Variants in PCDH9 observed in about 807,000 individuals in gnomAD.
PCDH9 encodes protocadherin-9.
Under a neutral mutation model 70.6 loss-of-function variants are expected in PCDH9, and 24 were observed. The observed-to-expected ratio is 0.34, with a 90% CI of 0.25 to 0.48. The LOEUF is 0.48. PCDH9 is among the 20% of genes least tolerant of loss of function. The probability of loss-of-function intolerance (pLI) is 0.99; values close to 1 mark genes in which losing one functional copy is unlikely to be tolerated. For synonymous variants in PCDH9, 562 were observed against 558.5 expected, an observed-to-expected ratio of 1.01 and a Z score of -0.09; for missense variants, 1,281 against 1,503.6, an observed-to-expected ratio of 0.85 and a Z score of 2.45.
intron 2 of PCDH9, among the ~76,000 whole-genome samples, chr13:66,961,749 A>T (rs1369790968): frequency 2.0e-5 from 3 of 152,154 alleles, no homozygotes; most frequent in Admixed American, 1.3e-4. Context: ...TTGATGATAA[A>T]CTTTGATTAT....
intron 2 of PCDH9, among the ~76,000 whole-genome samples, chr13:67,091,934 T>G (rs2086226754): frequency 6.6e-6 from 1 of 152,142 alleles, no homozygotes; most frequent in African/African-American, 2.4e-5. Flanking sequence ...GGTTCATGCT[T>G]TTTCAAATTG....
At chr13:66,938,119 AT>A (rs1024273824) in intron 2 of PCDH9, among the ~76,000 whole-genome samples, 50 of 152,324 alleles carry the variant, frequency 3.3e-4, no homozygotes, top group African/African-American at 1.2e-3. Context: ...AGTGGCAGAT[AT>A]TTTAGTCTTT....
rs367574052 is a variant in PCDH9 at position 66,707,132 on chromosome 13, C to T, written c.3139-75721G>A. 3.3e-5 allele frequency among the ~76,000 whole-genome samples: 5 copies of T among 152,200 alleles called. No homozygotes were observed. In the East Asian group the frequency reaches 5.8e-4, roughly 18 times the overall value. Reference sequence around the variant, plus strand: ...CCCCACAAAAAATCAGGGAATAAACCATTCACGTGAAAGAGGTGAACCTAG... The same window carrying T: ...CCCCACAAAAAATCAGGGAATAAACTATTCACGTGAAAGAGGTGAACCTAG... On this transcript the variant is annotated intron_variant, in intron 3 of 4. Transcript: ENST00000377865.
At chr13:66,757,985 T>C (rs188680824) in intron 3 of PCDH9, among the ~76,000 whole-genome samples, 87 of 152,166 alleles carry the variant, frequency 5.7e-4, no homozygotes, top group Non-Finnish European at 1.0e-3. Context: ...ACTAACATCA[T>C]TAATGAACAT....
chr13:66,876,202 A>G (rs528935460), intron 3 of PCDH9, among the ~76,000 whole-genome samples: 18 of 152,188 alleles, frequency 1.2e-4, no homozygotes, highest in Admixed American at 6.6e-4. Flanking sequence ...GATTAGACTT[A>G]GTACTATAAA....
intron 2 of PCDH9, chr13:67,213,829 C>T (rs1183941511): frequency 6.6e-6 from 1 of 152,110 alleles, no homozygotes; most frequent in African/African-American, 2.4e-5. Context: ...AATTGTATTG[C>T]ACTGAGAGGG....
At chr13:66,360,133 A>G (rs1403195193) in intron 4 of PCDH9, among the ~76,000 whole-genome samples, 4 of 152,116 alleles carry the variant, frequency 2.6e-5, no homozygotes, top group Non-Finnish European at 4.4e-5. Context: ...GCTACTGCAC[A>G]GTCTCCTTTG....
At chr13:66,463,503 G>A (rs1385589467) in intron 4 of PCDH9, among the ~76,000 whole-genome samples, 2 of 151,778 alleles carry the variant, frequency 1.3e-5, no homozygotes, top group African/African-American at 2.4e-5. Context: ...ACAGAAACAA[G>A]GTCTGTCAAA....
chr13:66,961,365 C>T (rs533511305), intron 2 of PCDH9, among the ~76,000 whole-genome samples: 1 of 152,260 alleles, frequency 6.6e-6, no homozygotes, highest in South Asian at 2.1e-4. Context: ...CAATACCAGA[C>T]CCATCACCTG....
At chr13:66,877,939 T>C (rs2081848083) in intron 3 of PCDH9, among the ~76,000 whole-genome samples, 1 of 152,196 alleles carries the variant, frequency 6.6e-6, no homozygotes, top group African/African-American at 2.4e-5. Flanking sequence ...ACTTTTAACT[T>C]GCTAAACACA....
intron 4 of PCDH9, among the ~76,000 whole-genome samples, chr13:66,469,093 G>C (rs1958567823): frequency 6.6e-6 from 1 of 152,072 alleles, no homozygotes; most frequent in African/African-American, 2.4e-5. Flanking sequence ...TCTGTTGCCA[G>C]GCTAATATAT....
intron 4 of PCDH9, among the ~76,000 whole-genome samples, chr13:66,408,980 G>A (rs1957327730): frequency 6.6e-6 from 1 of 152,096 alleles, no homozygotes; most frequent in East Asian, 1.9e-4. Flanking sequence ...AAAGCAGACA[G>A]TATAGAAATG....
intron 4 of PCDH9, among the ~76,000 whole-genome samples, chr13:66,622,033 G>A (rs1366295527): frequency 6.6e-6 from 1 of 152,222 alleles, no homozygotes; most frequent in African/African-American, 2.4e-5. Flanking sequence ...GGTGGGCCCC[G>A]CACTCGGAGC....
chr13:66,791,088 C>T (rs2080156334), intron 3 of PCDH9, among the ~76,000 whole-genome samples: 2 of 152,106 alleles, frequency 1.3e-5, no homozygotes, highest in Non-Finnish European at 2.9e-5. Context: ...CTACACCACG[C>T]ACTGAATTTA....
Position 66,467,906 on chromosome 13 carries a change from C to T in PCDH9, c.3341-162878G>A, listed in dbSNP as rs183057618. Among the ~76,000 whole-genome samples, 16 of 152,004 alleles carry T rather than the reference C, an allele frequency of 1.1e-4. No individual in the cohort carries two copies. In the East Asian group the frequency reaches 1.4e-3, roughly 13 times the overall value. On this transcript the variant is annotated intron_variant, in intron 4 of 4. Transcript: ENST00000377865. The stretch of plus-strand genomic sequence containing the variant: ...TTCCTTGCTCATTTCTCATTGAAAC[C>T]GCTCTTGTCTATGTTAGTAATGATT...
chr13:67,202,276 C>T (rs2089232624), intron 2 of PCDH9: 1 of 151,858 alleles, frequency 6.6e-6, no homozygotes, highest in African/African-American at 2.4e-5. Flanking sequence ...CTGGCTCTGT[C>T]TACAAAAATT....
chr13:66,496,514 C>G (rs750814853), intron 4 of PCDH9, among the ~76,000 whole-genome samples: 44 of 152,152 alleles, frequency 2.9e-4, no homozygotes, highest in Non-Finnish European at 6.0e-4. Flanking sequence ...TTATAGCCCT[C>G]TCAGTGCTAT....
intron 3 of PCDH9, among the ~76,000 whole-genome samples, chr13:66,669,916 T>A (rs570938460): frequency 6.6e-6 from 1 of 152,210 alleles, no homozygotes; most frequent in Admixed American, 6.5e-5. Context: ...TAAATGATCA[T>A]ATTTGTTCAA....
At chr13:66,390,795 C>T (rs1957004767) in intron 4 of PCDH9, among the ~76,000 whole-genome samples, 1 of 151,652 alleles carries the variant, frequency 6.6e-6, no homozygotes, top group South Asian at 2.1e-4. Flanking sequence ...GAGACTATGG[C>T]TATCACATGC....
Sources: gnomAD v4.1 joint callset for allele counts (sites outside exome capture counted in the v4.1 genomes callset) on GRCh38, gnomAD v4.1.1 for gene constraint, MANE v1.5 for transcripts, NCBI Gene and HGNC (gene_info 2026-07-23, HGNC 2026-07-21) for gene names.